SLC4A10: variants seen among roughly 807,000 people sequenced by gnomAD.
SLC4A10 encodes sodium-driven chloride bicarbonate exchanger.
In SLC4A10, 42 loss-of-function variants were observed where a neutral mutation model predicts 137.7. The ratio of observed to expected loss-of-function variants is 0.30; its 90% CI spans 0.24 to 0.39. SLC4A10 has a LOEUF of 0.39. Ranked by LOEUF, SLC4A10 falls within the 10% of genes least tolerant of loss-of-function variation. The probability of loss-of-function intolerance (pLI) is 1.00; values close to 1 mark genes in which losing one functional copy is unlikely to be tolerated. For missense variants in SLC4A10, 925 were observed against 1,355.0 expected (o/e 0.68, Z 4.98); for synonymous variants, 474 against 464.1 (o/e 1.02, Z -0.27).
intron 2 of SLC4A10, among the ~76,000 whole-genome samples, chr2:161,784,572 A>G (rs1022540297): frequency 1.3e-5 from 2 of 151,910 alleles, no homozygotes; most frequent in Admixed American, 1.3e-4. Flanking sequence ...ATGGAATGTG[A>G]AAGTAGAAAT....
intron 15 of SLC4A10, 53 bp downstream of exon 15, chr2:161,905,940 C>A: frequency 6.6e-7 from 1 of 1,523,998 alleles, no homozygotes; most frequent in Non-Finnish European, 8.8e-7. Flanking sequence ...ACAAATATTG[C>A]TATTGTTACA....
chr2:161,710,849 G>A, intron 1 of SLC4A10: 2 of 281,912 alleles, frequency 7.1e-6, no homozygotes, highest in South Asian at 3.3e-5. Flanking sequence ...GGTGTTATGA[G>A]GAATGCAGAA....
chr2:161,901,130 G>T (rs1321646604), intron 12 of SLC4A10, 119 bp downstream of exon 12: 1 of 744,890 alleles, frequency 1.3e-6, no homozygotes, highest in South Asian at 1.6e-5. Context: ...GCTTTTTGAG[G>T]GTGAAAATGC....
At chr2:161,771,107 A>T in intron 2 of SLC4A10, 53 bp downstream of exon 2, 2 of 1,285,676 alleles carry the variant, frequency 1.6e-6, no homozygotes, top group South Asian at 1.3e-5. Context: ...AAAGTATTTC[A>T]CAGATAAATG....
chr2:161,818,782 A>T (rs1326064541), intron 3 of SLC4A10, among the ~76,000 whole-genome samples: 1 of 152,158 alleles, frequency 6.6e-6, no homozygotes, highest in Non-Finnish European at 1.5e-5. Flanking sequence ...GATTACATTT[A>T]TCGATTTGCA....
At chr2:161,687,454 T>C (rs1336008872) in intron 1 of SLC4A10, among the ~76,000 whole-genome samples, 1 of 152,210 alleles carries the variant, frequency 6.6e-6, no homozygotes, top group Non-Finnish European at 1.5e-5. Context: ...ATTTATAAAA[T>C]AGAACAATCA....
intron 1 of SLC4A10, among the ~76,000 whole-genome samples, chr2:161,748,225 C>T (rs928319916): frequency 1.3e-5 from 2 of 151,940 alleles, no homozygotes; most frequent in Admixed American, 6.6e-5. Context: ...TGTGGCCTGC[C>T]TTTTTTATTG....
intron 15 of SLC4A10, among the ~76,000 whole-genome samples, chr2:161,932,602 T>C (rs1192638999): frequency 6.6e-6 from 1 of 152,108 alleles, no homozygotes; most frequent in Non-Finnish European, 1.5e-5. Context: ...CAGGATCAGA[T>C]CATGGAGGAA....
chr2:161,939,264 A>G (rs529255769), intron 15 of SLC4A10, among the ~76,000 whole-genome samples: 3 of 152,042 alleles, frequency 2.0e-5, no homozygotes, highest in South Asian at 2.1e-4. Flanking sequence ...TTTAGTAGAG[A>G]TGGGGTTTCA....
chr2:161,958,033 C>G lies in SLC4A10; in HGVS notation c.2794-454C>G, dbSNP rs1575842328. ...AACTATTCCAATAAAAAGAGAAAAT[C>G]TGAATTATCCATATATTTACAAATA... is the stretch of plus-strand genomic sequence containing the variant. On this transcript the variant is annotated intron_variant, in intron 20 of 26. Transcript: ENST00000446997. Among the ~76,000 whole-genome samples, 7 of 152,160 alleles carry G rather than the reference C, an allele frequency of 4.6e-5. No individual in the cohort carries two copies. The South Asian group carries it at 1.5e-3, about 32-fold the overall frequency.
At chr2:161,729,614 C>T (rs902229238) in intron 1 of SLC4A10, among the ~76,000 whole-genome samples, 2 of 149,466 alleles carry the variant, frequency 1.3e-5, no homozygotes, top group Non-Finnish European at 3.0e-5. Flanking sequence ...TAAAATAAAG[C>T]GAATTTTTTT....
intron 10 of SLC4A10, among the ~76,000 whole-genome samples, chr2:161,893,479 TG>T (rs2063125894): frequency 6.6e-6 from 1 of 152,092 alleles, no homozygotes; most frequent in Non-Finnish European, 1.5e-5. Flanking sequence ...GAGGATGGTT[TG>T]GGGCCAGGAG....
chr2:161,953,149 C>T (rs1559615805), intron 19 of SLC4A10, among the ~76,000 whole-genome samples: 1 of 152,184 alleles, frequency 6.6e-6, no homozygotes, highest in South Asian at 2.1e-4. Context: ...ACTTGGTAGA[C>T]TCCACATCAT....
intron 1 of SLC4A10, among the ~76,000 whole-genome samples, chr2:161,671,440 T>G (rs1040198348): frequency 6.6e-6 from 1 of 152,194 alleles, no homozygotes; most frequent in African/African-American, 2.4e-5. Context: ...AATCAGTTGA[T>G]GTGATTAGTT....
intron 5 of SLC4A10, among the ~76,000 whole-genome samples, chr2:161,861,875 T>A: frequency 6.6e-6 from 1 of 152,312 alleles, no homozygotes. Flanking sequence ...TTCATTTCCA[T>A]TTCACACTGA....
chr2:161,717,790 G>T (rs890611414), intron 1 of SLC4A10, among the ~76,000 whole-genome samples: 2 of 152,124 alleles, frequency 1.3e-5, no homozygotes, highest in Non-Finnish European at 2.9e-5. Context: ...TTGGTGTGAG[G>T]ATGACGCTGG....
chr2:161,654,389 G>A (rs892382110), intron 1 of SLC4A10, among the ~76,000 whole-genome samples: 11 of 152,154 alleles, frequency 7.2e-5, no homozygotes, highest in Admixed American at 5.2e-4. Flanking sequence ...TTTGTTTGTT[G>A]TAGTTGCATT....
At chr2:161,864,170 C>T (rs1215063308) in intron 6 of SLC4A10, among the ~76,000 whole-genome samples, 3 of 151,994 alleles carry the variant, frequency 2.0e-5, no homozygotes, top group African/African-American at 7.2e-5. Context: ...CCACTGCACT[C>T]CAGCCTGGGC....
At chr2:161,708,746 G>C (rs1341480265) in intron 1 of SLC4A10, 1 of 1,530,852 alleles carries the variant, frequency 6.5e-7, no homozygotes. Flanking sequence ...TGTAAGACAG[G>C]AAATGCAGTC....
Sources: allele counts gnomAD v4.1 joint callset (sites outside exome capture counted in the v4.1 genomes callset), GRCh38; gene constraint gnomAD v4.1.1; transcripts MANE v1.5; gene names NCBI Gene and HGNC (gene_info 2026-07-23, HGNC 2026-07-21).